The following DCAF6 variants were observed in gnomAD, a reference collection of about 807,000 sequenced individuals.
The protein encoded by DCAF6 is DDB1 and CUL4 associated factor 6, also known as DDB1- and CUL4-associated factor 6.
In DCAF6, 54 loss-of-function variants were observed where a neutral mutation model predicts 125.1. The observed-to-expected ratio is 0.43, with a 90% confidence interval of 0.35 to 0.54. The LOEUF (loss-of-function observed/expected upper bound fraction) is 0.54. Ranked by LOEUF, DCAF6 falls within the 20% of genes least tolerant of loss-of-function variation. The pLI, the probability that DCAF6 is intolerant of heterozygous loss-of-function variation, is 0.01. For missense variants in DCAF6, 934 were observed against 1,161.7 expected (o/e 0.80, Z 2.85); for synonymous variants, 371 against 390.4 (o/e 0.95, Z 0.58).
chr1:168,064,360 GTAAC>G (rs1323117962), intron 18 of DCAF6, among the ~76,000 whole-genome samples: 2 of 152,068 alleles, frequency 1.3e-5, no homozygotes, highest in African/African-American at 2.4e-5. Flanking sequence ...GATGACTAGT[GTAAC>G]TGTTACTCTG....
intron 6 of DCAF6, 31 bp from the exon 7 acceptor site, chr1:167,993,195 A>T: frequency 6.5e-7 from 1 of 1,549,090 alleles, no homozygotes; most frequent in Non-Finnish European, 8.8e-7. Context: ...AAACATTATT[A>T]ATTTTAAATA....
At chr1:167,996,490 G>A (rs1399192670) in intron 7 of DCAF6, among the ~76,000 whole-genome samples, 1 of 152,064 alleles carries the variant, frequency 6.6e-6, no homozygotes, top group Non-Finnish European at 1.5e-5. Flanking sequence ...CCCCTTTGTA[G>A]TTGATTTTGC....
chr1:168,061,395 T>C (rs576955229), intron 17 of DCAF6, among the ~76,000 whole-genome samples: 37 of 152,330 alleles, frequency 2.4e-4, no homozygotes, highest in Admixed American at 1.8e-3. Context: ...ATTTTAAAAA[T>C]TGTTAGTCAC....
chr1:167,928,240 C>T, the DCAF6 span, among the ~76,000 whole-genome samples: 2 of 149,016 alleles, frequency 1.3e-5, no homozygotes, highest in Non-Finnish European at 3.0e-5. Context: ...CCCAGCTACT[C>T]GGGAGGCTGA....
rs747252677 is a variant in DCAF6 at position 168,045,220 on chromosome 1, G to A, written c.2251G>A (p.Gly751Ser). ...IPGARYRAGP[G>S]DRFNIRGTTI... ...AGGTGCAAGGTATCGAGCAGGACCT[G>A]GTGATAGGTTGGTAAATTTTTAATT... The change falls in exon 16 of 22, where the codon GGT becomes AGT. Residue 751 changes from glycine to serine, a missense_variant. Physicochemically the swap from Gly to Ser is moderately conservative, Grantham distance 56. Transcript: ENST00000367840. 1 of 1,585,944 alleles carries A rather than the reference G, an allele frequency of 6.3e-7. No homozygotes were observed. The highest frequency in any genetic ancestry group is 2.2e-5 in the East Asian group (1 of 44,550).
chr1:168,002,454 A>G lies in DCAF6; in HGVS notation c.904-28A>G, dbSNP rs111293393. ...GAGAGTAGATGAGTTTTAGACTTAC[A>G]TAGAATTTACCCGTTCTTATTTTTT... On this transcript the variant is annotated intron_variant, in intron 7 of 21. Coordinates refer to ENST00000367840, the MANE Select transcript of DCAF6 (RefSeq NM_001198956.2). 4.1e-5 allele frequency: 65 copies of G among 1,599,752 alleles called. No homozygotes were observed. The Middle Eastern group carries it at 6.7e-4, about 16-fold the overall frequency.
At chr1:168,022,828 G>A in intron 11 of DCAF6, among the ~76,000 whole-genome samples, 160 bp from the exon 12 acceptor site, 1 of 152,228 alleles carries the variant, frequency 6.6e-6, no homozygotes, top group Non-Finnish European at 1.5e-5. Flanking sequence ...CATATCTTAA[G>A]CACATGGCCC....
At chr1:168,042,714 G>C (rs1410021272) in intron 13 of DCAF6, 2 of 190,396 alleles carry the variant, frequency 1.1e-5, no homozygotes, top group Non-Finnish European at 2.2e-5. Flanking sequence ...GTGAAGACAA[G>C]AAAGGAGACA....
intron 1 of DCAF6, among the ~76,000 whole-genome samples, chr1:167,948,557 G>A (rs72699717): frequency 0.013 from 1,969 of 152,166 alleles, 22 homozygotes; most frequent in Middle Eastern, 0.024. Context: ...AACTTACAAA[G>A]TTGTAATTTA....
At chr1:167,920,990 C>A in the DCAF6 span, among the ~76,000 whole-genome samples, 1 of 151,972 alleles carries the variant, frequency 6.6e-6, no homozygotes, top group Non-Finnish European at 1.5e-5. Context: ...TGTCAGGAAC[C>A]ACTAACCACT....
At chr1:168,006,577 T>G (rs1305932822) in intron 10 of DCAF6, among the ~76,000 whole-genome samples, 1 of 152,162 alleles carries the variant, frequency 6.6e-6, no homozygotes, top group Non-Finnish European at 1.5e-5. Context: ...ACTTAATTTG[T>G]TTCTGTTTTT....
intron 18 of DCAF6, among the ~76,000 whole-genome samples, chr1:168,064,531 G>A (rs1463508811): frequency 6.6e-6 from 1 of 152,038 alleles, no homozygotes; most frequent in East Asian, 1.9e-4. Context: ...AATAACATTT[G>A]GGTTGGGGAA....
intron 12 of DCAF6, among the ~76,000 whole-genome samples, chr1:168,037,248 G>A (rs926592446): frequency 2.0e-5 from 3 of 151,670 alleles, no homozygotes; most frequent in Non-Finnish European, 4.4e-5. Flanking sequence ...AAAGATATAA[G>A]TCCTTCATTG....
intron 7 of DCAF6, among the ~76,000 whole-genome samples, chr1:168,000,449 C>T (rs72699729): frequency 0.02 from 3,077 of 152,232 alleles, 63 homozygotes; most frequent in Middle Eastern, 0.031. Context: ...CTGTGAAATT[C>T]AGTGAAGCAA....
At chr1:167,918,674 A>G in the DCAF6 span, among the ~76,000 whole-genome samples, 2 of 146,898 alleles carry the variant, frequency 1.4e-5, no homozygotes, top group Admixed American at 6.8e-5. Context: ...GCTCGCTGCA[A>G]GCTCTGCCTC....
chr1:167,961,140 G>C (rs757069898), intron 2 of DCAF6, among the ~76,000 whole-genome samples: 26 of 152,032 alleles, frequency 1.7e-4, no homozygotes, highest in Non-Finnish European at 3.4e-4. Flanking sequence ...AATTCCACTT[G>C]TTCATTTCTG....
chr1:167,906,880 C>T, the DCAF6 span, among the ~76,000 whole-genome samples: 2 of 151,952 alleles, frequency 1.3e-5, no homozygotes, highest in Non-Finnish European at 2.9e-5. Flanking sequence ...GTTAAGAAAA[C>T]CTAGAGGGAT....
chr1:167,878,536 G>C, the DCAF6 span: 8 of 1,614,082 alleles, frequency 5.0e-6, no homozygotes, highest in Non-Finnish European at 5.9e-6. Flanking sequence ...AAAAAAGTAC[G>C]CTGGTAGGTT....
At chr1:167,947,069 T>A (rs1673190382) in intron 1 of DCAF6, among the ~76,000 whole-genome samples, 1 of 152,340 alleles carries the variant, frequency 6.6e-6, no homozygotes. Context: ...ATTGGTCTAT[T>A]CAGATTTTCT....
Sources: allele counts gnomAD v4.1 joint callset (sites outside exome capture counted in the v4.1 genomes callset), GRCh38; gene constraint gnomAD v4.1.1; transcripts MANE v1.5; gene names NCBI Gene and HGNC (gene_info 2026-07-23, HGNC 2026-07-21).